The following UBIAD1 variants were observed in gnomAD, a reference collection of about 807,000 sequenced individuals.
UBIAD1 encodes UbiA prenyltransferase domain containing 1, also known as ubiA prenyltransferase domain-containing protein 1.
Under a neutral mutation model 20.1 loss-of-function variants are expected in UBIAD1, and 12 were observed. The ratio of observed to expected loss-of-function variants is 0.60; its 90% CI spans 0.38 to 0.97. The LOEUF is 0.97. Ranked by LOEUF, UBIAD1 falls within the 50% of genes least tolerant of loss-of-function variation. The pLI, the probability that UBIAD1 is intolerant of heterozygous loss-of-function variation, is 0.00. For synonymous variants in UBIAD1, 207 were observed against 189.2 expected (o/e 1.09, Z -0.77); for missense variants, 333 against 419.5 (o/e 0.79, Z 1.80).
At chr1:11,282,865 C>CT (rs900364835) in intron 1 of UBIAD1, among the ~76,000 whole-genome samples, 8 of 147,856 alleles carry the variant, frequency 5.4e-5, no homozygotes, top group African/African-American at 2.0e-4. Flanking sequence ...TGTGCCTGGC[C>CT]TTTTTTTTTC....
intron 1 of UBIAD1, among the ~76,000 whole-genome samples, chr1:11,283,028 T>C (rs1423786175): frequency 1.3e-5 from 2 of 151,530 alleles, no homozygotes; most frequent in African/African-American, 4.9e-5. Context: ...ACCCGGCTAA[T>C]TTTTTGTATT....
downstream of UBIAD1, among the ~76,000 whole-genome samples, chr1:11,292,604 ACTGT>A (rs1020189159): frequency 2.0e-5 from 3 of 150,204 alleles, no homozygotes; most frequent in East Asian, 2.0e-4. Context: ...CAGACTGTTG[ACTGT>A]CTGGCCATCT....
chr1:11,291,082 T>A (rs919252083), downstream of UBIAD1, among the ~76,000 whole-genome samples: 1 of 152,188 alleles, frequency 6.6e-6, no homozygotes, highest in African/African-American at 2.4e-5. Context: ...AGCTAGAATT[T>A]AATATGATCT....
chr1:11,290,538 T>C (rs532697954), downstream of UBIAD1, among the ~76,000 whole-genome samples: 20 of 152,292 alleles, frequency 1.3e-4, no homozygotes, highest in African/African-American at 4.3e-4. Flanking sequence ...CTCAAAGCAT[T>C]TCCCTTCTTC....
chr1:11,285,970 C>T lies in UBIAD1; in HGVS notation c.856C>T (p.Pro286Ser). ...ACACTGCACCATCAGCCTGGCACTC[C>T]CCCTGCTTACCATTCCCATGGCCTT... ...ATHCTISLAL[P>S]LLTIPMAFSL... Residue 286 changes from proline (P) to serine (S), a missense_variant, in exon 2 of 2, where the codon CCC becomes TCC. Pro to Ser is a moderately conservative substitution (Grantham distance 74, BLOSUM62 -1). Around this residue, in one of 3 missense-constraint regions of UBIAD1, gnomAD observed 226 missense variants for 263.5 expected, o/e 0.86. Coordinates refer to ENST00000376810, the MANE Select transcript of UBIAD1 (RefSeq NM_013319.3). This position sits in a 1 kb window ranked among gnomAD's most constrained non-coding sequence, Gnocchi z 4.4. 6.2e-7 allele frequency: 1 copy of T among 1,614,228 alleles called. No individual in the cohort carries two copies. Among genetic ancestry groups the T allele is most frequent in the Non-Finnish European group, 8.5e-7 (1 of 1,180,044 alleles).
At chr1:11,296,019 A>C (rs1638441363), downstream of UBIAD1, 1 of 152,192 alleles carries the variant, frequency 6.6e-6, no homozygotes, top group South Asian at 2.1e-4. Context: ...AGAAGAGATG[A>C]ACTTCTCCAT....
At chr1:11,278,975 C>T (rs1337522394) in intron 1 of UBIAD1, 1 of 184,034 alleles carries the variant, frequency 5.4e-6, no homozygotes, top group Non-Finnish European at 1.1e-5. Flanking sequence ...TGTGATTCTC[C>T]TGCCTCAGCT....
Position 11,273,621 on chromosome 1 carries a change from C to G in UBIAD1, c.90C>G (p.Asp30Glu), listed in dbSNP as rs1182185751. 6.2e-7 allele frequency: 1 copy of G among 1,614,088 alleles called. No individual in the cohort carries two copies. The highest frequency in any genetic ancestry group is 8.5e-7 in the Non-Finnish European group (1 of 1,180,052). Reference protein sequence around the residue: ...KAGDRDPLGNDCPEQDRLPQR... With the variant: ...KAGDRDPLGNECPEQDRLPQR... ...GGGACAGGGACCCGCTGGGGAACGA[C>G]TGTCCCGAGCAAGATAGGCTCCCCC... The change falls in exon 1 of 2, where the codon GAC becomes GAG. Residue 30 changes from aspartate (D) to glutamate (E), a missense_variant. By Grantham distance (45) the Asp-to-Glu change is conservative (BLOSUM62 2). Around this residue, in one of 3 missense-constraint regions of UBIAD1, gnomAD observed 57 missense variants for 54.7 expected, o/e 1.04. Coordinates refer to ENST00000376810, the MANE Select transcript of UBIAD1 (RefSeq NM_013319.3). The surrounding 1 kb of genome is among the most constrained non-coding windows in gnomAD (Gnocchi z 4.9).
rs1031753342 is a variant in UBIAD1, at chr1:11,273,350, G to A, written c.-182G>A. ...ACGGGTAGTAGGGGCGGCGCCGCTT[G>A]GCCTCGTGGGGTGTAAGACCCACTT... On this transcript the variant is annotated 5_prime_UTR_variant, in exon 1 of 2. Coordinates refer to ENST00000376810, the MANE Select transcript of UBIAD1 (RefSeq NM_013319.3). The surrounding 1 kb of genome is among the most constrained non-coding windows in gnomAD (Gnocchi z 4.9). 1 of 672,416 alleles carries A rather than the reference G, an allele frequency of 1.5e-6. No individual in the cohort carries two copies. The highest frequency in any genetic ancestry group is 1.8e-5 in the African/African-American group (1 of 55,476). 41.7% of individuals were successfully genotyped at this position (672,416 alleles called of 1,614,324 possible).
Position 11,273,392 on chromosome 1 carries a change from C to A in UBIAD1, c.-140C>A. 9.2e-7 allele frequency: 1 copy of A among 1,088,314 alleles called. No homozygotes were observed. The highest frequency in any genetic ancestry group is 1.3e-6 in the Non-Finnish European group (1 of 749,048). 67.4% of individuals were successfully genotyped at this position (1,088,314 alleles called of 1,614,324 possible). On this transcript the variant is annotated 5_prime_UTR_variant, in exon 1 of 2. Coordinates refer to ENST00000376810, the MANE Select transcript of UBIAD1 (RefSeq NM_013319.3). This position sits in a 1 kb window ranked among gnomAD's most constrained non-coding sequence, Gnocchi z 4.9. ...GACCCACTTGCTGTTGCCCCCGGAC[C>A]TTGCCGCCACACCAGCCCTGTCCTG...
intron 1 of UBIAD1, among the ~76,000 whole-genome samples, chr1:11,277,833 A>T (rs1190841107): frequency 6.6e-6 from 1 of 151,660 alleles, no homozygotes; most frequent in Non-Finnish European, 1.5e-5. Flanking sequence ...TAGTAGAGAC[A>T]GGGTTTCTCC....
At chr1:11,289,975 C>A (rs1314858931), downstream of UBIAD1, among the ~76,000 whole-genome samples, 1 of 151,912 alleles carries the variant, frequency 6.6e-6, no homozygotes, top group Non-Finnish European at 1.5e-5. Flanking sequence ...TGAGATTCAC[C>A]CGCCTTGGCC....
downstream of UBIAD1, among the ~76,000 whole-genome samples, chr1:11,290,516 C>T (rs1384842985): frequency 6.6e-6 from 1 of 152,232 alleles, no homozygotes; most frequent in Non-Finnish European, 1.5e-5. Flanking sequence ...AATGCTCCAT[C>T]CACCTCCCCT....
chr1:11,278,408 A>G (rs1379282959), intron 1 of UBIAD1, among the ~76,000 whole-genome samples: 1 of 152,248 alleles, frequency 6.6e-6, no homozygotes, highest in Non-Finnish European at 1.5e-5. Flanking sequence ...AACAAGAGAA[A>G]AAAATTGGGT....
At chr1:11,276,102 A>G (rs921278382) in intron 1 of UBIAD1, among the ~76,000 whole-genome samples, 1 of 152,146 alleles carries the variant, frequency 6.6e-6, no homozygotes, top group African/African-American at 2.4e-5. Flanking sequence ...TGGGTAAGGT[A>G]TTGAGAATGG....
At chr1:11,299,039 T>C (rs1015121653), downstream of UBIAD1, among the ~76,000 whole-genome samples, 1 of 152,162 alleles carries the variant, frequency 6.6e-6, no homozygotes, top group African/African-American at 2.4e-5. Flanking sequence ...CACGGTGTAA[T>C]CCATGCCCTA....
At chr1:11,283,677 C>T (rs1652318622) in intron 1 of UBIAD1, among the ~76,000 whole-genome samples, 1 of 152,092 alleles carries the variant, frequency 6.6e-6, no homozygotes, top group Non-Finnish European at 1.5e-5. Flanking sequence ...CAAGGGACCC[C>T]AGCTGCTGAT....
chr1:11,294,325 A>T (rs1445966383), intron 1 of UBIAD1, among the ~76,000 whole-genome samples: 1 of 152,000 alleles, frequency 6.6e-6, no homozygotes. Context: ...ATTTTTAATT[A>T]AAAAATTGAG....
chr1:11,294,959 A>G, exon 2 of UBIAD1: 1 of 717,444 alleles, frequency 1.4e-6, no homozygotes. Flanking sequence ...CCTGCCTTCT[A>G]GACCTGCCTC....
Sources: allele counts gnomAD v4.1 joint callset (sites outside exome capture counted in the v4.1 genomes callset), GRCh38; gene constraint gnomAD v4.1.1; regional missense constraint gnomAD v4.1.1; non-coding constraint Gnocchi (gnomAD v3.1); transcripts MANE v1.5; gene names NCBI Gene and HGNC (gene_info 2026-07-23, HGNC 2026-07-21).